RAD51B: variants seen among roughly 807,000 people sequenced by gnomAD.
The protein encoded by RAD51B is DNA repair protein RAD51 homolog 2.
Under a neutral mutation model 42.2 loss-of-function variants are expected in RAD51B, and 38 were observed. The observed-to-expected ratio is 0.90, with a 90% confidence interval of 0.70 to 1.18. The LOEUF (loss-of-function observed/expected upper bound fraction) is 1.18. Among genes scored for constraint, RAD51B ranks in the 50% most tolerant of loss-of-function variants. The pLI is 0.00. For synonymous variants in RAD51B, 154 were observed against 145.2 expected (o/e 1.06, Z -0.43); for missense variants, 373 against 400.7 (o/e 0.93, Z 0.59).
chr14:68,506,271 A>C (rs1036189028), intron 10 of RAD51B, among the ~76,000 whole-genome samples: 2 of 152,246 alleles, frequency 1.3e-5, no homozygotes, highest in Non-Finnish European at 2.9e-5. Flanking sequence ...AGAGCAGTGC[A>C]CATTAGCGAG....
chr14:68,519,054 C>T (rs756140597), intron 10 of RAD51B, among the ~76,000 whole-genome samples: 4 of 152,058 alleles, frequency 2.6e-5, no homozygotes, highest in Non-Finnish European at 4.4e-5. Context: ...TTCCCAACTT[C>T]ACAATCATGA....
chr14:68,425,273 T>C (rs541717793), intron 9 of RAD51B, among the ~76,000 whole-genome samples: 1 of 152,346 alleles, frequency 6.6e-6, no homozygotes, highest in African/African-American at 2.4e-5. Context: ...TCTAATATTT[T>C]TCCTCAAGAA....
chr14:68,435,154 T>G (rs1242738812), intron 9 of RAD51B, among the ~76,000 whole-genome samples: 2 of 152,160 alleles, frequency 1.3e-5, no homozygotes, highest in East Asian at 3.9e-4. Context: ...ACCCCATAGG[T>G]GTTGTTTTAA....
At chr14:67,842,902 A>G (rs914864151) in intron 4 of RAD51B, among the ~76,000 whole-genome samples, 4 of 152,178 alleles carry the variant, frequency 2.6e-5, no homozygotes, top group African/African-American at 7.2e-5. Flanking sequence ...TTATGTTGAC[A>G]GCTTTTTCTG....
intron 8 of RAD51B, among the ~76,000 whole-genome samples, chr14:68,371,465 C>T (rs1235408411): frequency 6.6e-6 from 1 of 152,136 alleles, no homozygotes; most frequent in South Asian, 2.1e-4. Flanking sequence ...TTGCAGTGAG[C>T]TGAGATCACG....
intron 7 of RAD51B, among the ~76,000 whole-genome samples, chr14:68,088,705 G>C (rs2077041029): frequency 6.9e-6 from 1 of 145,764 alleles, no homozygotes; most frequent in Non-Finnish European, 1.5e-5. Context: ...AGGAAGTGGG[G>C]GAGAGAAATA....
intron 10 of RAD51B, among the ~76,000 whole-genome samples, chr14:68,498,539 C>G (rs1026751060): frequency 2.6e-5 from 4 of 152,126 alleles, no homozygotes; most frequent in Non-Finnish European, 5.9e-5. Context: ...GTGTTCAGAG[C>G]TCCCAGATTT....
At chr14:68,680,859 T>C (rs1239592381) in intron 11 of RAD51B, among the ~76,000 whole-genome samples, 1 of 152,056 alleles carries the variant, frequency 6.6e-6, no homozygotes, top group African/African-American at 2.4e-5. Context: ...TGTAATATAC[T>C]AAGTTTAAAC....
chr14:68,224,346 A>T (rs952707133), intron 7 of RAD51B, among the ~76,000 whole-genome samples: 1 of 152,178 alleles, frequency 6.6e-6, no homozygotes, highest in African/African-American at 2.4e-5. Flanking sequence ...ATTCTCTCCC[A>T]GTCACTTACT....
intron 8 of RAD51B, among the ~76,000 whole-genome samples, chr14:68,356,432 C>T (rs2082902759): frequency 2.1e-5 from 1 of 46,646 alleles, no homozygotes; most frequent in South Asian, 1.0e-3. Flanking sequence ...GAGACTCCGT[C>T]TCAAAAAAAA....
At chr14:68,267,462 A>C (rs898677325) in intron 7 of RAD51B, among the ~76,000 whole-genome samples, 3 of 152,234 alleles carry the variant, frequency 2.0e-5, no homozygotes, top group African/African-American at 7.2e-5. Flanking sequence ...GGAGAGTCAA[A>C]TGAAAGAATT....
At chr14:68,162,642 G>A (rs540869160) in intron 7 of RAD51B, among the ~76,000 whole-genome samples, 43 of 152,212 alleles carry the variant, frequency 2.8e-4, no homozygotes, top group African/African-American at 4.8e-4. Flanking sequence ...AAAATTAGCC[G>A]GGTGTGGTGG....
chr14:68,033,021 G>A (rs1260602828), intron 7 of RAD51B, among the ~76,000 whole-genome samples: 1 of 152,048 alleles, frequency 6.6e-6, no homozygotes, highest in African/African-American at 2.4e-5. Flanking sequence ...CTTCGCTTAG[G>A]CTAGGTACTT....
At chr14:68,327,369 G>GT (rs113226166) in intron 8 of RAD51B, among the ~76,000 whole-genome samples, 12,355 of 77,028 alleles carry the variant, frequency 0.16, 872 homozygotes, top group East Asian at 0.57. Flanking sequence ...TCTTCAGTTT[G>GT]TTTTTTTTTG....
Position 68,443,768 on chromosome 14 carries a change from C to A in RAD51B, c.958-24404C>A, listed in dbSNP as rs530052480. Among the ~76,000 whole-genome samples the A allele has an allele frequency of 3.3e-5, 5 of 152,090 alleles. No individual in the cohort carries two copies. In the South Asian group the frequency reaches 1.0e-3, roughly 32 times the overall value. On this transcript the variant is annotated intron_variant, in intron 9 of 10. Transcript: ENST00000471583. Reference sequence around the variant, plus strand: ...CCACCTTCAGCCTTTGGGACACCAACTTTGCCTAGCCTTGAATAAGTCACT... The same window carrying A: ...CCACCTTCAGCCTTTGGGACACCAAATTTGCCTAGCCTTGAATAAGTCACT...
chr14:67,869,329 G>A (rs1267712320), intron 5 of RAD51B, among the ~76,000 whole-genome samples: 1 of 152,128 alleles, frequency 6.6e-6, no homozygotes, highest in Non-Finnish European at 1.5e-5. Context: ...TGGAAGAAAG[G>A]GTATCAGCGA....
intron 4 of RAD51B, among the ~76,000 whole-genome samples, chr14:67,856,408 G>T (rs1421096914): frequency 6.6e-6 from 1 of 151,336 alleles, no homozygotes; most frequent in Non-Finnish European, 1.5e-5. Flanking sequence ...TAGAATGTTA[G>T]TTATTTTAAA....
chr14:67,970,449 GT>G, intron 7 of RAD51B, among the ~76,000 whole-genome samples: 1 of 151,406 alleles, frequency 6.6e-6, no homozygotes. Context: ...TCCAACTCTT[GT>G]TTTTAGTCAT....
chr14:67,993,992 A>G (rs1276995925), intron 7 of RAD51B, among the ~76,000 whole-genome samples: 2 of 152,182 alleles, frequency 1.3e-5, no homozygotes, highest in African/African-American at 4.8e-5. Flanking sequence ...CAGCTGTATT[A>G]TAACTATTAG....
Sources: allele counts gnomAD v4.1 joint callset (sites outside exome capture counted in the v4.1 genomes callset), GRCh38; gene constraint gnomAD v4.1.1; transcripts MANE v1.5; gene names NCBI Gene and HGNC (gene_info 2026-07-23, HGNC 2026-07-21).